SH3BP5: variants seen among roughly 807,000 people sequenced by gnomAD.
SH3BP5 encodes the protein SH3 domain-binding protein 5.
Under a neutral mutation model 43.3 loss-of-function variants are expected in SH3BP5, and 22 were observed. The observed-to-expected ratio is 0.51, with a 90% CI of 0.36 to 0.73. The LOEUF (loss-of-function observed/expected upper bound fraction) is 0.73, where lower values mean the gene tolerates loss of function less well. Ranked by LOEUF, SH3BP5 falls within the 30% of genes least tolerant of loss-of-function variation. The pLI is 0.00. For missense variants in SH3BP5, 529 were observed against 586.9 expected (o/e 0.90, Z 1.02); for synonymous variants, 255 against 225.8 (o/e 1.13, Z -1.16).
chr3:15,331,200 A>C (rs1420003071), intron 1 of SH3BP5, among the ~76,000 whole-genome samples: 1 of 152,220 alleles, frequency 6.6e-6, no homozygotes, highest in Non-Finnish European at 1.5e-5. Flanking sequence ...TGCTAACATA[A>C]TCCCATACCA....
chr3:15,258,751 G>T, intron 7 of SH3BP5, 80 bp downstream of exon 7: 2 of 1,281,652 alleles, frequency 1.6e-6, no homozygotes, highest in Non-Finnish European at 2.2e-6. Context: ...TTCACTGATG[G>T]CCAGAGAAAG....
At chr3:15,276,489 G>A (rs1158095245) in intron 3 of SH3BP5, among the ~76,000 whole-genome samples, 3 of 152,144 alleles carry the variant, frequency 2.0e-5, no homozygotes, top group Non-Finnish European at 2.9e-5. Context: ...CCAGACAATT[G>A]GACGGTCTCC....
intron 1 of SH3BP5, among the ~76,000 whole-genome samples, chr3:15,340,058 T>G (rs1698747974): frequency 6.6e-6 from 1 of 152,118 alleles, no homozygotes; most frequent in Non-Finnish European, 1.5e-5. Context: ...ATGACCCAGC[T>G]TGGGTTAACC....
chr3:15,326,396 G>A (rs560011264), intron 2 of SH3BP5, among the ~76,000 whole-genome samples: 31 of 152,334 alleles, frequency 2.0e-4, no homozygotes, highest in African/African-American at 7.0e-4. Context: ...GTGAGAGCAC[G>A]TTAGCAGCTA....
chr3:15,259,445 TTTCTAA>T, intron 6 of SH3BP5: 1 of 526,518 alleles, frequency 1.9e-6, no homozygotes, highest in South Asian at 2.1e-5. Flanking sequence ...AACCTCAGAG[TTTCTAA>T]TTCAGTCGGT....
chr3:15,282,766 G>A (rs1182087834), intron 3 of SH3BP5, among the ~76,000 whole-genome samples: 1 of 151,836 alleles, frequency 6.6e-6, no homozygotes, highest in Non-Finnish European at 1.5e-5. Context: ...ATACTTAGGT[G>A]TGCAGTGATA....
At chr3:15,329,763 T>A (rs1698563273) in intron 2 of SH3BP5, among the ~76,000 whole-genome samples, 1 of 152,218 alleles carries the variant, frequency 6.6e-6, no homozygotes, top group South Asian at 2.1e-4. Flanking sequence ...TGACAGTCAA[T>A]TCACAGTCTC....
intron 3 of SH3BP5, among the ~76,000 whole-genome samples, chr3:15,271,822 T>C (rs1696807741): frequency 6.6e-6 from 1 of 152,182 alleles, no homozygotes; most frequent in Non-Finnish European, 1.5e-5. Context: ...AGATGGGCCA[T>C]GTGATGGCAG....
At chr3:15,334,255 C>T (rs1698674153), upstream of SH3BP5, among the ~76,000 whole-genome samples, 1 of 152,076 alleles carries the variant, frequency 6.6e-6, no homozygotes, top group Non-Finnish European at 1.5e-5. Flanking sequence ...TCTGGGCCAG[C>T]TATAGTGTTA....
intron 2 of SH3BP5, among the ~76,000 whole-genome samples, chr3:15,307,255 C>T (rs1029060765): frequency 6.6e-6 from 1 of 152,152 alleles, no homozygotes; most frequent in African/African-American, 2.4e-5. Context: ...TCAGACCAGG[C>T]TTAGGGTCAT....
intron 2 of SH3BP5, among the ~76,000 whole-genome samples, chr3:15,321,309 ATCCT>A (rs1215545324): frequency 6.6e-6 from 1 of 152,146 alleles, no homozygotes; most frequent in East Asian, 1.9e-4. Context: ...GCTGTAGAAG[ATCCT>A]AAAGTGCCTT....
chr3:15,340,729 T>C (rs1362602867), intron 1 of SH3BP5, among the ~76,000 whole-genome samples: 1 of 150,374 alleles, frequency 6.7e-6, no homozygotes, highest in African/African-American at 2.5e-5. Flanking sequence ...GCAGCCTGGG[T>C]GACAGGAGAG....
chr3:15,298,035 A>G (rs57669313), intron 3 of SH3BP5, among the ~76,000 whole-genome samples: 11,625 of 150,064 alleles, frequency 0.077, 1,537 homozygotes, highest in African/African-American at 0.27. Flanking sequence ...GGAATGCAGT[A>G]GCACAATCAT....
chr3:15,270,452 T>G (rs1031004880), intron 3 of SH3BP5, among the ~76,000 whole-genome samples: 1 of 151,976 alleles, frequency 6.6e-6, no homozygotes, highest in Non-Finnish European at 1.5e-5. Context: ...CCCACTCAAC[T>G]CACACCCACT....
intron 4 of SH3BP5, among the ~76,000 whole-genome samples, chr3:15,269,017 C>G (rs1696721487): frequency 6.6e-6 from 1 of 152,234 alleles, no homozygotes; most frequent in Non-Finnish European, 1.5e-5. Context: ...TGTTTACCAA[C>G]TACCCTGTTT....
At chr3:15,285,071 CTG>C in intron 3 of SH3BP5, among the ~76,000 whole-genome samples, 1 of 152,334 alleles carries the variant, frequency 6.6e-6, no homozygotes, top group South Asian at 2.1e-4. Context: ...AGAGCCAAAA[CTG>C]TGTTACTGAA....
intron 3 of SH3BP5, among the ~76,000 whole-genome samples, chr3:15,299,558 A>T (rs826422): frequency 0.35 from 50,388 of 144,254 alleles, 8,827 homozygotes; most frequent in East Asian, 0.56. Context: ...CAAGAGAGAC[A>T]TCATGGCTCA....
intron 3 of SH3BP5, among the ~76,000 whole-genome samples, chr3:15,276,467 T>A (rs1439002991): frequency 1.3e-5 from 2 of 152,158 alleles, no homozygotes; most frequent in Non-Finnish European, 2.9e-5. Flanking sequence ...GAGTAACTCA[T>A]TAACACAGTC....
intron 3 of SH3BP5, among the ~76,000 whole-genome samples, chr3:15,302,872 G>C (rs756989449): frequency 3.3e-5 from 5 of 151,068 alleles, no homozygotes; most frequent in Non-Finnish European, 7.4e-5. Flanking sequence ...GCAGTGGCAC[G>C]ATCTCGGCTC....
Sources: allele counts gnomAD v4.1 joint callset (sites outside exome capture counted in the v4.1 genomes callset), GRCh38; gene constraint gnomAD v4.1.1; transcripts MANE v1.5; gene names NCBI Gene and HGNC (gene_info 2026-07-23, HGNC 2026-07-21).